The following SNX9 variants were observed in gnomAD, a reference collection of about 807,000 sequenced individuals.
The protein encoded by SNX9 is sorting nexin-9.
A neutral mutation model predicts 89.4 loss-of-function variants in SNX9; 44 were observed. The observed-to-expected ratio is 0.49, with a 90% confidence interval of 0.39 to 0.63. SNX9 has a LOEUF of 0.63. Among genes scored for constraint, SNX9 ranks in the 30% least tolerant of loss-of-function variants. The probability of loss-of-function intolerance (pLI) is 0.00; values close to 1 mark genes in which losing one functional copy is unlikely to be tolerated. For missense variants in SNX9, 578 were observed against 736.1 expected (o/e 0.79, Z 2.49); for synonymous variants, 236 against 247.8 (o/e 0.95, Z 0.45).
intron 2 of SNX9, among the ~76,000 whole-genome samples, chr6:157,868,503 A>G (rs1014579786): frequency 2.6e-5 from 4 of 152,102 alleles, no homozygotes; most frequent in Non-Finnish European, 5.9e-5. Flanking sequence ...TTTGTAGACT[A>G]TTGGATTTCT....
intron 2 of SNX9, among the ~76,000 whole-genome samples, chr6:157,869,505 G>A (rs781078286): frequency 6.6e-6 from 1 of 152,136 alleles, no homozygotes; most frequent in Non-Finnish European, 1.5e-5. Flanking sequence ...AGGCCCCCAA[G>A]GCTAAGTCAC....
chr6:157,942,746 A>G (rs756686770), intron 17 of SNX9, 45 bp from the exon 18 acceptor site: 6 of 1,601,960 alleles, frequency 3.7e-6, no homozygotes, highest in Non-Finnish European at 5.1e-6. Flanking sequence ...TGAGGTCGTA[A>G]TGGGAGTGAT....
rs546587355 is a variant in SNX9 at position 157,889,283 on chromosome 6, T to C, written c.301-7544T>C. ...CCATCTCTACTAAAAATACAAAAAT[T>C]AGCTGGGTGTGGTGGTGCACCCCTG... is the stretch of plus-strand genomic sequence containing the variant. On this transcript the variant is annotated intron_variant, in intron 4 of 17. Coordinates refer to ENST00000392185, the MANE Select transcript of SNX9 (RefSeq NM_016224.5). Among the ~76,000 whole-genome samples the C allele has an allele frequency of 5.9e-5, 9 of 151,854 alleles. No individual in the cohort carries two copies. The South Asian group carries it at 6.3e-4, about 11-fold the overall frequency.
At chr6:157,847,623 A>G (rs570185257) in intron 1 of SNX9, among the ~76,000 whole-genome samples, 75 of 152,266 alleles carry the variant, frequency 4.9e-4, no homozygotes, top group African/African-American at 1.6e-3. Flanking sequence ...GGAAGGAGCC[A>G]GGCTATGTAT....
intron 6 of SNX9, among the ~76,000 whole-genome samples, chr6:157,905,851 G>A (rs904546328): frequency 2.0e-5 from 3 of 152,190 alleles, no homozygotes; most frequent in Admixed American, 1.3e-4. Flanking sequence ...TCACTCTGGG[G>A]TGACCGAATG....
At chr6:157,902,910 C>T (rs565412635) in intron 6 of SNX9, among the ~76,000 whole-genome samples, 45 of 151,936 alleles carry the variant, frequency 3.0e-4, no homozygotes, top group Admixed American at 7.2e-4. Context: ...TCAAGTGATC[C>T]GCCCGCCTCT....
intron 1 of SNX9, among the ~76,000 whole-genome samples, chr6:157,855,548 T>C (rs1781993259): frequency 6.6e-6 from 1 of 152,258 alleles, no homozygotes; most frequent in Admixed American, 6.5e-5. Flanking sequence ...AGTTTTGCTT[T>C]CGTTTTTTGG....
chr6:157,930,139 C>T (rs1783779102), intron 12 of SNX9, among the ~76,000 whole-genome samples: 1 of 152,200 alleles, frequency 6.6e-6, no homozygotes, highest in African/African-American at 2.4e-5. Context: ...TGGCCAATAA[C>T]TACCTCTGCC....
rs369015398 is a variant in SNX9, at chr6:157,906,033, G to A, written c.621-95G>A. 1,012 of 1,012,764 alleles carry A rather than the reference G, an allele frequency of 1.0e-3. 15 individuals are homozygous for A. The South Asian group carries it at 0.015, about 15-fold the overall frequency. The allele number at this position is 1,012,764 out of a possible 1,614,324, so 62.7% of individuals were successfully genotyped here. A position where few individuals can be genotyped will look rare whatever the true frequency, so the allele number is the denominator to read the frequency against. On this transcript the variant is annotated intron_variant, in intron 6 of 17. Coordinates refer to ENST00000392185, the MANE Select transcript of SNX9 (RefSeq NM_016224.5). The stretch of plus-strand genomic sequence containing the variant: ...CAGTTCTAGTGCACCCGAAAGACAG[G>A]ACAAGGTTAAAACTGGTAAGTAAAT...
chr6:157,843,475 T>G (rs1781742739), intron 1 of SNX9, among the ~76,000 whole-genome samples: 1 of 152,126 alleles, frequency 6.6e-6, no homozygotes, highest in African/African-American at 2.4e-5. Context: ...AGAAAATATA[T>G]TTACTACTAA....
chr6:157,858,250 CTT>C (rs141525968), intron 1 of SNX9, among the ~76,000 whole-genome samples: 18,240 of 143,746 alleles, frequency 0.13, 1,807 homozygotes, highest in African/African-American at 0.28. Context: ...TTTCTTTTTT[CTT>C]TTTTTTTTTT....
intron 6 of SNX9, among the ~76,000 whole-genome samples, 165 bp from the exon 7 acceptor site, chr6:157,905,963 C>T (rs1203393945): frequency 6.6e-6 from 1 of 152,178 alleles, no homozygotes; most frequent in Non-Finnish European, 1.5e-5. Flanking sequence ...GCCTAATTGG[C>T]CATTGAACAA....
At chr6:157,870,151 C>T (rs1782365745) in intron 2 of SNX9, among the ~76,000 whole-genome samples, 1 of 151,248 alleles carries the variant, frequency 6.6e-6, no homozygotes, top group Non-Finnish European at 1.5e-5. Context: ...ACACACACCC[C>T]TCACTCACCT....
At chr6:157,839,099 G>T (rs1781642566) in intron 1 of SNX9, among the ~76,000 whole-genome samples, 1 of 152,088 alleles carries the variant, frequency 6.6e-6, no homozygotes, top group African/African-American at 2.4e-5. Context: ...ATATAGATTC[G>T]GTTAATAAAA....
chr6:157,836,491 T>TA (rs1403680343), intron 1 of SNX9, among the ~76,000 whole-genome samples: 1 of 152,154 alleles, frequency 6.6e-6, no homozygotes, highest in Admixed American at 6.5e-5. Context: ...TGTGGTACTC[T>TA]AACTAGCTGT....
intron 5 of SNX9, among the ~76,000 whole-genome samples, chr6:157,900,916 C>T (rs1212471849): frequency 1.3e-5 from 2 of 152,170 alleles, no homozygotes; most frequent in South Asian, 4.1e-4. Flanking sequence ...GGGAGTATGC[C>T]TTAACCCTAA....
intron 9 of SNX9, among the ~76,000 whole-genome samples, chr6:157,912,698 G>T (rs1171435922): frequency 6.6e-6 from 1 of 152,110 alleles, no homozygotes; most frequent in African/African-American, 2.4e-5. Context: ...ACATTCCTGT[G>T]GACTCGATAA....
At chr6:157,827,716 A>G (rs1781407374) in intron 1 of SNX9, among the ~76,000 whole-genome samples, 1 of 150,576 alleles carries the variant, frequency 6.6e-6, no homozygotes, top group Admixed American at 6.7e-5. Flanking sequence ...ACATGAAGAA[A>G]ATTGTTAGTG....
Position 157,933,326 on chromosome 6 carries a change from A to G in SNX9, c.1366+1054A>G, listed in dbSNP as rs140324494. ...AAAGAAGAAAAAGCATTTGTCAGCT[A>G]GGTGGCACCTATTAAATCTGTTATC... is the stretch of plus-strand genomic sequence containing the variant. On this transcript the variant is annotated intron_variant, in intron 13 of 17. Coordinates refer to ENST00000392185, the MANE Select transcript of SNX9 (RefSeq NM_016224.5). 5.8e-3 allele frequency among the ~76,000 whole-genome samples: 882 copies of G among 152,322 alleles called. 5 individuals are homozygous for G. Among genetic ancestry groups the G allele is most frequent in the African/African-American group, 0.019 (802 of 41,568 alleles).
Sources: gnomAD v4.1 joint callset for allele counts (sites outside exome capture counted in the v4.1 genomes callset) on GRCh38, gnomAD v4.1.1 for gene constraint, MANE v1.5 for transcripts, NCBI Gene and HGNC (gene_info 2026-07-23, HGNC 2026-07-21) for gene names.